Variants in KCNU1 observed in about 807,000 individuals in gnomAD.
KCNU1 encodes the protein potassium calcium-activated channel subfamily U member 1.
In KCNU1, 93 loss-of-function variants were observed where a neutral mutation model predicts 126.8. That is an observed-to-expected ratio of 0.73 (90% CI 0.62 to 0.87). The LOEUF is 0.87. KCNU1 is among the 40% of genes least tolerant of loss of function. KCNU1 has a pLI of 0.00. For synonymous variants in KCNU1, 523 were observed against 494.2 expected, an observed-to-expected ratio of 1.06 and a Z score of -0.77; for missense variants, 1,330 against 1,367.1, an observed-to-expected ratio of 0.97 and a Z score of 0.43.
Position 36,784,582 on chromosome 8 carries a change from A to C in KCNU1, c.172A>C (p.Ile58Leu), listed in dbSNP as rs770331538. 1 of 1,613,108 alleles carries C rather than the reference A, an allele frequency of 6.2e-7. No homozygotes were observed. The highest frequency in any genetic ancestry group is 8.5e-7 in the Non-Finnish European group (1 of 1,179,514). Residue 58 changes from isoleucine (I) to leucine (L), a missense_variant, in exon 1 of 27, where the codon ATC becomes CTC. Physicochemically the swap from Ile to Leu is conservative, Grantham distance 5. This residue lies in a region of KCNU1 where 247 missense variants were observed against 255.4 expected (regional missense o/e 0.97). Transcript: ENST00000399881. Reference protein sequence around the residue: ...IWRSVKKWQIIKGTGIILELF... With the variant: ...IWRSVKKWQILKGTGIILELF... ...GAGATCTGTTAAAAAATGGCAAATC[A>C]TCAAGGGAACAGGAATTATCTTGGT... is the stretch of plus-strand genomic sequence containing the variant.
chr8:36,807,813 T>TAA (rs5890879), intron 6 of KCNU1, among the ~76,000 whole-genome samples: 8 of 147,198 alleles, frequency 5.4e-5, no homozygotes, highest in East Asian at 2.0e-4. Context: ...CCTGGCTAGG[T>TAA]AAAAAAAAAA....
intron 2 of KCNU1, among the ~76,000 whole-genome samples, chr8:36,789,992 G>A (rs1802847456): frequency 1.3e-5 from 2 of 152,062 alleles, no homozygotes; most frequent in African/African-American, 2.4e-5. Flanking sequence ...AGACTCAAAG[G>A]GAATCACTCT....
chr8:36,880,048 G>C (rs1313554732), intron 19 of KCNU1, among the ~76,000 whole-genome samples: 1 of 152,134 alleles, frequency 6.6e-6, no homozygotes, highest in African/African-American at 2.4e-5. Flanking sequence ...CTTGGGAAAA[G>C]GTCATTGGTA....
chr8:36,907,467 C>T (rs1036788619), intron 20 of KCNU1, among the ~76,000 whole-genome samples: 13 of 152,092 alleles, frequency 8.5e-5, no homozygotes, highest in African/African-American at 3.1e-4. Flanking sequence ...TTAGAGGCTT[C>T]ATTATTCAAG....
intron 10 of KCNU1, among the ~76,000 whole-genome samples, chr8:36,829,448 C>T (rs1015843460): frequency 7.9e-5 from 12 of 151,482 alleles, no homozygotes; most frequent in South Asian, 4.1e-4. Context: ...TGTAGAGTAA[C>T]GATGGGGTTT....
chr8:36,892,437 A>T (rs927691256), intron 19 of KCNU1, among the ~76,000 whole-genome samples: 1 of 151,708 alleles, frequency 6.6e-6, no homozygotes, highest in Middle Eastern at 3.2e-3. Flanking sequence ...CTCTTATAAA[A>T]TCTTTGCCTA....
chr8:36,805,225 C>CA lies in KCNU1; in HGVS notation c.412dup (p.Thr138AsnfsTer5). Reference sequence around the variant, plus strand: ...TTGGAAGCTGTTCATCATATGAAGACAAAACCATTCCTATTGATTTGGTTT... The same window carrying CA: ...TTGGAAGCTGTTCATCATATGAAGACAAAAACCATTCCTATTGATTTGGTTT... On this transcript the variant is annotated frameshift_variant, in exon 4 of 27. Coordinates refer to ENST00000399881, the MANE Select transcript of KCNU1 (RefSeq NM_001031836.3). LOFTEE classifies it high-confidence loss of function. 6.2e-7 allele frequency: 1 copy of CA among 1,610,712 alleles called. No homozygotes were observed. Among genetic ancestry groups the CA allele is most frequent in the Non-Finnish European group, 8.5e-7 (1 of 1,177,998 alleles).
chr8:36,846,612 G>A lies in KCNU1; in HGVS notation c.1891+713G>A, dbSNP rs1204219079. On this transcript the variant is annotated intron_variant, in intron 18 of 26. Transcript: ENST00000399881. Reference sequence around the variant, plus strand: ...AGGTCAGGAATTCAAGACCAGCCTGGCCAAGATGGTGAAACCTCGTCTCTA... The same window carrying A: ...AGGTCAGGAATTCAAGACCAGCCTGACCAAGATGGTGAAACCTCGTCTCTA... Among the ~76,000 whole-genome samples the A allele has an allele frequency of 2.0e-5, 3 of 152,044 alleles. No individual in the cohort carries two copies. In the East Asian group the frequency reaches 5.8e-4, roughly 29 times the overall value.
At chr8:36,879,209 G>GTATATATATATATATA (rs1429299814) in intron 19 of KCNU1, among the ~76,000 whole-genome samples, 863 of 86,242 alleles carry the variant, frequency 0.01, 7 homozygotes, top group East Asian at 0.014. Context: ...GTGTGTGTGT[G>GTATATATATATATATA]TGTATATATA....
intron 19 of KCNU1, among the ~76,000 whole-genome samples, chr8:36,901,936 C>A (rs1440999382): frequency 6.6e-6 from 1 of 152,086 alleles, no homozygotes; most frequent in Non-Finnish European, 1.5e-5. Context: ...TATAGCATAA[C>A]CTTTATGTTC....
In KCNU1 at chr8:36,922,421, G is replaced by T. The variant is rs77521405; in HGVS notation, c.2597-69G>T. 13,729 of 1,522,264 alleles carry T rather than the reference G, an allele frequency of 9.0e-3. 884 individuals are homozygous for T. The East Asian group carries it at 0.18, about 20-fold the overall frequency. The allele number at this position is 1,522,264 out of a possible 1,614,324, so 94.3% of individuals were successfully genotyped here. Reference sequence around the variant, plus strand: ...TGATCAAGTGGTCGCCCCTTGGCCTGCATGGATGGCACTTCTTATATTCTT... The same window carrying T: ...TGATCAAGTGGTCGCCCCTTGGCCTTCATGGATGGCACTTCTTATATTCTT... On this transcript the variant is annotated intron_variant, in intron 23 of 26. Transcript: ENST00000399881.
rs1469717893 is a variant in KCNU1, at chr8:36,935,912, C to A, written c.3442C>A (p.Pro1148Thr). Residue 1148 changes from proline to threonine, a missense_variant, in exon 27 of 27, where the codon CCA (proline) becomes ACA (threonine). Pro to Thr is a conservative substitution (Grantham distance 38, BLOSUM62 -1). This residue lies in a region of KCNU1 where 1,054 missense variants were observed against 1,053.9 expected (regional missense o/e 1.00). Coordinates refer to ENST00000399881, the MANE Select transcript of KCNU1 (RefSeq NM_001031836.3). Reference protein sequence around the residue: ...YDEDPFAYSEPL With the variant: ...YDEDPFAYSETL Reference sequence around the variant, plus strand: ...TGAGGATCCCTTTGCATATTCAGAGCCACTATAGACCTGCCCATATTCTTC... The same window carrying A: ...TGAGGATCCCTTTGCATATTCAGAGACACTATAGACCTGCCCATATTCTTC... 4 of 1,571,356 alleles carry A rather than the reference C, an allele frequency of 2.5e-6. No homozygotes were observed. The highest frequency in any genetic ancestry group is 1.7e-6 in the Non-Finnish European group (2 of 1,160,052).
chr8:36,893,173 C>T (rs2117453926), intron 19 of KCNU1, among the ~76,000 whole-genome samples: 1 of 151,290 alleles, frequency 6.6e-6, no homozygotes, highest in South Asian at 2.1e-4. Context: ...GAGGTTTCGC[C>T]ATGTTGCCCA....
At chr8:36,882,883 G>A (rs544035782) in intron 19 of KCNU1, among the ~76,000 whole-genome samples, 65 of 152,030 alleles carry the variant, frequency 4.3e-4, no homozygotes, top group Non-Finnish European at 7.8e-4. Context: ...AGGCCCACCC[G>A]CCACATTTGT....
At chr8:36,868,787 G>T (rs186626874) in intron 19 of KCNU1, among the ~76,000 whole-genome samples, 15 of 152,170 alleles carry the variant, frequency 9.9e-5, no homozygotes, top group Non-Finnish European at 2.2e-4. Flanking sequence ...AGCTCTATTT[G>T]CTTGAATTTT....
chr8:36,820,759 C>T (rs1585414500), intron 10 of KCNU1, among the ~76,000 whole-genome samples: 1 of 151,892 alleles, frequency 6.6e-6, no homozygotes, highest in African/African-American at 2.4e-5. Flanking sequence ...CAATCTATAA[C>T]ATTTGACTTC....
rs780354318 is a variant in KCNU1 at position 36,864,469 on chromosome 8, T to A, written c.1957T>A (p.Ser653Thr). The change falls in exon 19 of 27, where the codon TCT (serine) becomes ACT (threonine). Residue 653 changes from serine to threonine, a missense_variant. Ser to Thr is a moderately conservative substitution (Grantham distance 58, BLOSUM62 1). Around this residue, in one of 3 missense-constraint regions of KCNU1, gnomAD observed 1,054 missense variants for 1,053.9 expected, o/e 1.00. Transcript: ENST00000399881. ...GISSRISGQDSPPRVSASTSS... is the reference protein window; with the variant it reads ...GISSRISGQDTPPRVSASTSS... ...CTCCTCTCGTATATCAGGGCAGGATTCTCCGCCAAGGGTATCTGCAAGCAC... is the reference window on the plus strand; with the variant it reads ...CTCCTCTCGTATATCAGGGCAGGATACTCCGCCAAGGGTATCTGCAAGCAC... The A allele has an allele frequency of 6.2e-7, 1 of 1,613,288 alleles. No individual in the cohort carries two copies. The highest frequency in any genetic ancestry group is 8.5e-7 in the Non-Finnish European group (1 of 1,179,354).
At chr8:36,880,193 T>A (rs1423328845) in intron 19 of KCNU1, among the ~76,000 whole-genome samples, 1 of 152,216 alleles carries the variant, frequency 6.6e-6, no homozygotes, top group Non-Finnish European at 1.5e-5. Flanking sequence ...TTTAAACATG[T>A]TACATTATTG....
intron 20 of KCNU1, among the ~76,000 whole-genome samples, chr8:36,907,414 G>A (rs532955340): frequency 6.6e-6 from 1 of 152,244 alleles, no homozygotes; most frequent in South Asian, 2.1e-4. Context: ...GTTCTACTCA[G>A]AAAAGCAATT....
Sources: gnomAD v4.1 joint callset for allele counts (sites outside exome capture counted in the v4.1 genomes callset) on GRCh38, gnomAD v4.1.1 for gene constraint, gnomAD v4.1.1 regional missense constraint, MANE v1.5 for transcripts, NCBI Gene and HGNC (gene_info 2026-07-23, HGNC 2026-07-21) for gene names.